Variants in DPP10 observed in about 807,000 individuals in gnomAD.
DPP10 encodes inactive dipeptidyl peptidase 10.
Under a neutral mutation model 120.9 loss-of-function variants are expected in DPP10, and 33 were observed. That is an observed-to-expected ratio of 0.27 (90% CI 0.21 to 0.37). The LOEUF is 0.37. Among genes scored for constraint, DPP10 ranks in the 10% least tolerant of loss-of-function variants. The probability of loss-of-function intolerance (pLI) is 1.00; values close to 1 mark genes in which losing one functional copy is unlikely to be tolerated. For missense variants in DPP10, 816 were observed against 942.8 expected, an observed-to-expected ratio of 0.87 and a Z score of 1.76; for synonymous variants, 337 against 326.1, an observed-to-expected ratio of 1.03 and a Z score of -0.36.
At chr2:115,508,773 T>G (rs1405297442) in intron 4 of DPP10, among the ~76,000 whole-genome samples, 1 of 152,132 alleles carries the variant, frequency 6.6e-6, no homozygotes, top group East Asian at 1.9e-4. Flanking sequence ...TGTGGTGGCA[T>G]GTGCTTCTAG....
chr2:114,783,826 GCT>G (rs923766246), intron 1 of DPP10, among the ~76,000 whole-genome samples: 2 of 151,378 alleles, frequency 1.3e-5, no homozygotes, highest in Admixed American at 1.3e-4. Flanking sequence ...AGAATAAGAC[GCT>G]CTCTCTCTCT....
intron 5 of DPP10, among the ~76,000 whole-genome samples, chr2:115,560,876 T>A (rs2080611164): frequency 6.6e-6 from 1 of 152,180 alleles, no homozygotes; most frequent in African/African-American, 2.4e-5. Context: ...TGGTCTTGTC[T>A]TGATGTCTCA....
intron 1 of DPP10, among the ~76,000 whole-genome samples, chr2:114,834,537 T>C (rs959156762): frequency 4.6e-5 from 7 of 151,204 alleles, no homozygotes; most frequent in African/African-American, 1.5e-4. Flanking sequence ...TACGCACCTA[T>C]GTATATATAA....
At chr2:114,820,701 T>C (rs977622637) in intron 1 of DPP10, among the ~76,000 whole-genome samples, 1 of 152,168 alleles carries the variant, frequency 6.6e-6, no homozygotes, top group African/African-American at 2.4e-5. Flanking sequence ...TTGTGAGAAC[T>C]CACTCACTAT....
chr2:115,164,942 A>G (rs1384358421), intron 1 of DPP10, among the ~76,000 whole-genome samples: 1 of 152,186 alleles, frequency 6.6e-6, no homozygotes, highest in Non-Finnish European at 1.5e-5. Flanking sequence ...TCTTTCTTTT[A>G]AAGATTCTTT....
chr2:114,813,154 T>G (rs1468321575), intron 1 of DPP10, among the ~76,000 whole-genome samples: 2 of 152,204 alleles, frequency 1.3e-5, no homozygotes, highest in Non-Finnish European at 2.9e-5. Context: ...TGAAAGGATC[T>G]TTCATTTTAG....
intron 3 of DPP10, among the ~76,000 whole-genome samples, chr2:115,346,775 C>A (rs2063731681): frequency 6.6e-6 from 1 of 152,150 alleles, no homozygotes; most frequent in African/African-American, 2.4e-5. Context: ...TTTCACAGGA[C>A]TGCATATGAC....
rs114689550 is a variant in DPP10, at chr2:114,717,563, C to T, written c.60+274725C>T. On this transcript the variant is annotated intron_variant, in intron 1 of 25. Coordinates refer to ENST00000410059, the MANE Select transcript of DPP10 (RefSeq NM_020868.6). ...AGGAGACTCAAAAACAGATTGGCTCCGTAAACCTTTAAAAATAATGTATAA... is the reference window on the plus strand; with the variant it reads ...AGGAGACTCAAAAACAGATTGGCTCTGTAAACCTTTAAAAATAATGTATAA... 3.5e-3 allele frequency among the ~76,000 whole-genome samples: 540 copies of T among 152,132 alleles called. 2 individuals carry two copies. Among genetic ancestry groups the T allele is most frequent in the African/African-American group, 0.012 (504 of 41,522 alleles).
chr2:115,507,902 A>T (rs548357256), intron 4 of DPP10, among the ~76,000 whole-genome samples: 4 of 152,224 alleles, frequency 2.6e-5, no homozygotes, highest in African/African-American at 9.6e-5. Flanking sequence ...GGAGAAGGTA[A>T]AAAGTAGGTG....
intron 2 of DPP10, among the ~76,000 whole-genome samples, chr2:115,334,723 G>A (rs2063015755): frequency 6.6e-6 from 1 of 151,876 alleles, no homozygotes; most frequent in South Asian, 2.1e-4. Context: ...TTTTTTGTTT[G>A]TCTGAAAGTG....
chr2:114,559,891 C>CAAAAAAAAAAAAAAAA (rs60833358), intron 1 of DPP10, among the ~76,000 whole-genome samples: 103 of 65,654 alleles, frequency 1.6e-3, no homozygotes, highest in South Asian at 2.1e-3. Flanking sequence ...AGAAAAAAAG[C>CAAAAAAAAAAAAAAAA]AAAAAAAAAA....
chr2:115,308,705 T>G (rs1298499451), intron 1 of DPP10, among the ~76,000 whole-genome samples: 1 of 151,488 alleles, frequency 6.6e-6, no homozygotes, highest in African/African-American at 2.4e-5. Flanking sequence ...TTTTTTTTTT[T>G]TTTTTTTTTT....
chr2:115,123,046 T>G (rs913459223), intron 1 of DPP10, among the ~76,000 whole-genome samples: 1 of 152,142 alleles, frequency 6.6e-6, no homozygotes, highest in African/African-American at 2.4e-5. Context: ...GTCTTACCAC[T>G]AGGGAATGTG....
At chr2:114,497,975 C>T (rs934132337) in intron 1 of DPP10, among the ~76,000 whole-genome samples, 1 of 152,154 alleles carries the variant, frequency 6.6e-6, no homozygotes, top group Non-Finnish European at 1.5e-5. Context: ...CTAGCCTTGC[C>T]TTCTGGATTG....
At chr2:115,711,102 A>G (rs1006102544) in intron 7 of DPP10, among the ~76,000 whole-genome samples, 3 of 152,274 alleles carry the variant, frequency 2.0e-5, no homozygotes, top group Admixed American at 6.5e-5. Context: ...TGAAATTCGT[A>G]TAGCACAATA....
At chr2:114,932,847 C>A (rs988264025) in intron 1 of DPP10, among the ~76,000 whole-genome samples, 1 of 152,164 alleles carries the variant, frequency 6.6e-6, no homozygotes, top group Non-Finnish European at 1.5e-5. Flanking sequence ...AAACAAATCT[C>A]AGTGCCTAAA....
chr2:115,056,495 G>A (rs1336093471), intron 1 of DPP10, among the ~76,000 whole-genome samples: 1 of 152,080 alleles, frequency 6.6e-6, no homozygotes, highest in Non-Finnish European at 1.5e-5. Flanking sequence ...CAGTAGCTAG[G>A]ACTACAGGTG....
chr2:115,325,503 A>C (rs998733173), intron 2 of DPP10, among the ~76,000 whole-genome samples: 1 of 152,176 alleles, frequency 6.6e-6, no homozygotes, highest in Non-Finnish European at 1.5e-5. Flanking sequence ...AATACACAAT[A>C]AAGTACGTTC....
chr2:115,780,708 A>T (rs1324101951), intron 15 of DPP10, among the ~76,000 whole-genome samples, 166 bp from the exon 16 acceptor site: 1 of 151,828 alleles, frequency 6.6e-6, no homozygotes, highest in Admixed American at 6.6e-5. Flanking sequence ...AACATTACTA[A>T]TAGAAGGTGA....
Sources: gnomAD v4.1 joint callset for allele counts (sites outside exome capture counted in the v4.1 genomes callset) on GRCh38, gnomAD v4.1.1 for gene constraint, MANE v1.5 for transcripts, NCBI Gene and HGNC (gene_info 2026-07-23, HGNC 2026-07-21) for gene names.